Variants in ANXA8 observed in about 807,000 individuals in gnomAD.
The protein encoded by ANXA8 is annexin A8.
Under a neutral mutation model 26.8 loss-of-function variants are expected in ANXA8, and 9 were observed. The observed-to-expected ratio is 0.34, with a 90% CI of 0.20 to 0.59. The LOEUF (loss-of-function observed/expected upper bound fraction) is 0.59. ANXA8 is among the 20% of genes least tolerant of loss of function. The pLI is 0.84. For synonymous variants in ANXA8, 39 were observed against 94.8 expected, an observed-to-expected ratio of 0.41 and a Z score of 3.42; for missense variants, 83 against 238.5, an observed-to-expected ratio of 0.35 and a Z score of 4.29.
chr10:47,733,167 TTC>T, the ANXA8 span, among the ~76,000 whole-genome samples: 41 of 99,700 alleles, frequency 4.1e-4, no homozygotes, highest in African/African-American at 1.3e-3. Context: ...CTTTCTTTCT[TTC>T]TTTCTTTCTT....
the ANXA8 span, among the ~76,000 whole-genome samples, chr10:47,771,459 T>C: frequency 1.3e-5 from 2 of 151,122 alleles, no homozygotes; most frequent in African/African-American, 4.9e-5. Flanking sequence ...ATAAGGATTT[T>C]GAAATGCTGA....
At chr10:47,636,331 TG>T in the ANXA8 span, among the ~76,000 whole-genome samples, 2 of 141,148 alleles carry the variant, frequency 1.4e-5, no homozygotes, top group African/African-American at 5.6e-5. Flanking sequence ...TCTGCCTTTA[TG>T]AAGGGAAATG....
chr10:47,566,966 G>A, the ANXA8 span, among the ~76,000 whole-genome samples: 1 of 148,108 alleles, frequency 6.8e-6, no homozygotes, highest in South Asian at 2.1e-4. Context: ...ACTGGGCGGG[G>A]AGCCCTGGAC....
chr10:47,673,341 G>A, the ANXA8 span, among the ~76,000 whole-genome samples: 2 of 151,602 alleles, frequency 1.3e-5, no homozygotes, highest in Non-Finnish European at 2.9e-5. Flanking sequence ...GGCTCTCCAG[G>A]CTTTCAGTTC....
At chr10:47,937,523 C>T in the ANXA8 span, among the ~76,000 whole-genome samples, 1 of 143,274 alleles carries the variant, frequency 7.0e-6, no homozygotes, top group Admixed American at 6.9e-5. Flanking sequence ...CATAGGTAAA[C>T]TTGTGTCATG....
the ANXA8 span, among the ~76,000 whole-genome samples, chr10:47,646,555 T>C: frequency 8.1e-4 from 123 of 151,454 alleles, no homozygotes; most frequent in African/African-American, 2.8e-3. Context: ...TGCAGCAGAG[T>C]TTGTTAGTTG....
At chr10:47,575,104 TG>T in the ANXA8 span, among the ~76,000 whole-genome samples, 2 of 135,700 alleles carry the variant, frequency 1.5e-5, no homozygotes, top group Non-Finnish European at 3.1e-5. Context: ...CTCAGGAGGC[TG>T]AGGCAGGAGA....
the ANXA8 span, among the ~76,000 whole-genome samples, chr10:47,948,259 A>C: frequency 0.19 from 20,814 of 111,550 alleles, 18 homozygotes; most frequent in Non-Finnish European, 0.25. Flanking sequence ...CAGACATGTA[A>C]AGATGCACAG....
chr10:47,521,840 G>A, the ANXA8 span, among the ~76,000 whole-genome samples: 1 of 150,756 alleles, frequency 6.6e-6, no homozygotes, highest in Non-Finnish European at 1.5e-5. Flanking sequence ...GAGTGCATTG[G>A]CGTGATCTCT....
chr10:47,907,765 CAAAAA>C, the ANXA8 span, among the ~76,000 whole-genome samples: 3 of 27,178 alleles, frequency 1.1e-4, 1 homozygote, highest in Admixed American at 3.5e-4. Context: ...GAGACTGTCT[CAAAAA>C]AAAAAAAAAA....
chr10:47,971,182 C>G, the ANXA8 span, among the ~76,000 whole-genome samples: 8 of 150,894 alleles, frequency 5.3e-5, no homozygotes, highest in Non-Finnish European at 1.0e-4. Context: ...CAAATACGGT[C>G]TATGGGCTTT....
the ANXA8 span, among the ~76,000 whole-genome samples, chr10:47,561,192 T>C: frequency 5.6e-4 from 85 of 152,012 alleles, 1 homozygote; most frequent in African/African-American, 1.9e-3. Context: ...ACCTGTTCAC[T>C]ACTGGAAACA....
At chr10:47,900,947 A>G in the ANXA8 span, among the ~76,000 whole-genome samples, 1 of 148,218 alleles carries the variant, frequency 6.7e-6, no homozygotes, top group Non-Finnish European at 1.5e-5. Flanking sequence ...CAATTCAGAC[A>G]TATTGAGAAA....
At chr10:47,488,637 C>A (rs1840087339), upstream of ANXA8, among the ~76,000 whole-genome samples, 11 of 145,230 alleles carry the variant, frequency 7.6e-5, no homozygotes, top group African/African-American at 2.5e-5. Flanking sequence ...ATGAGATATA[C>A]ACATGCTTTG....
chr10:47,556,372 T>C, the ANXA8 span, among the ~76,000 whole-genome samples: 1 of 152,000 alleles, frequency 6.6e-6, no homozygotes, highest in African/African-American at 2.4e-5. Context: ...TTGAAAGTTT[T>C]TAATAACAAG....
chr10:47,733,195 T>TTCTTTCTTTCTCTCTCTCTCTC, the ANXA8 span, among the ~76,000 whole-genome samples: 4 of 111,440 alleles, frequency 3.6e-5, no homozygotes, highest in Admixed American at 1.8e-4. Flanking sequence ...CTTTCTTTCT[T>TTCTTTCTTTCTCTCTCTCTCTC]TCTTTCTTTC....
At chr10:47,625,740 A>T in the ANXA8 span, among the ~76,000 whole-genome samples, 1 of 151,662 alleles carries the variant, frequency 6.6e-6, no homozygotes, top group Admixed American at 6.6e-5. Flanking sequence ...GAATACTTAA[A>T]ATCTACTCTA....
the ANXA8 span, among the ~76,000 whole-genome samples, chr10:47,666,590 A>T: frequency 6.6e-6 from 1 of 151,844 alleles, no homozygotes; most frequent in Non-Finnish European, 1.5e-5. Context: ...ATTCATTTTT[A>T]TGTTTTTCTT....
the ANXA8 span, among the ~76,000 whole-genome samples, chr10:47,952,562 GA>G: frequency 6.8e-6 from 1 of 147,100 alleles, no homozygotes; most frequent in Non-Finnish European, 1.5e-5. Flanking sequence ...AAAAAACTAT[GA>G]AACATTGTGG....
Sources: allele counts gnomAD v4.1 joint callset (sites outside exome capture counted in the v4.1 genomes callset), GRCh38; gene constraint gnomAD v4.1.1; transcripts MANE v1.5; gene names NCBI Gene and HGNC (gene_info 2026-07-23, HGNC 2026-07-21).